ACOXL: variants seen among roughly 807,000 people sequenced by gnomAD.
The protein encoded by ACOXL is acyl-CoA oxidase like.
In ACOXL, 70 loss-of-function variants were observed where a neutral mutation model predicts 71.9. The ratio of observed to expected loss-of-function variants is 0.97; its 90% CI spans 0.80 to 1.19. ACOXL has a LOEUF of 1.19. Among genes scored for constraint, ACOXL ranks in the 50% most tolerant of loss-of-function variants. The probability of loss-of-function intolerance (pLI) is 0.00; values close to 1 mark genes in which losing one functional copy is unlikely to be tolerated. For synonymous variants in ACOXL, 253 were observed against 281.6 expected (o/e 0.90, Z 1.02); for missense variants, 703 against 736.3 (o/e 0.95, Z 0.52).
At chr2:110,798,083 C>T (rs898989677) in intron 5 of ACOXL, among the ~76,000 whole-genome samples, 2 of 152,082 alleles carry the variant, frequency 1.3e-5, no homozygotes, top group African/African-American at 4.8e-5. Context: ...ACTTTAATCT[C>T]AGCCATTTTC....
At chr2:110,958,155 ACACT>A (rs892785742) in intron 12 of ACOXL, among the ~76,000 whole-genome samples, 4 of 152,136 alleles carry the variant, frequency 2.6e-5, no homozygotes, top group African/African-American at 2.4e-5. Context: ...ATGCACACAC[ACACT>A]CTCATGCATA....
chr2:110,968,175 C>T, intron 12 of ACOXL: 4 of 1,165,238 alleles, frequency 3.4e-6, no homozygotes, highest in Non-Finnish European at 3.8e-6. Context: ...ATAGGTTTGG[C>T]ACAGACAACA....
intron 17 of ACOXL, among the ~76,000 whole-genome samples, chr2:111,111,084 G>A (rs1279547936): frequency 6.6e-6 from 1 of 151,962 alleles, no homozygotes; most frequent in Admixed American, 6.6e-5. Context: ...AGTTGATTAA[G>A]TTTTTTTAAT....
At position 110,732,688 on chromosome 2, in the gene ACOXL, C is replaced by T. The variant is rs1376767726; in HGVS notation, c.-109C>T. The T allele has an allele frequency of 1.3e-5, 2 of 152,548 alleles. No individual in the cohort carries two copies. Among genetic ancestry groups the T allele is most frequent in the Admixed American group, 6.5e-5 (1 of 15,276 alleles). The allele number at this position is 152,548 out of a possible 1,614,324, so 9.4% of individuals were successfully genotyped here. On this transcript the variant is annotated 5_prime_UTR_variant, in exon 1 of 18. Coordinates refer to ENST00000439055, the MANE Select transcript of ACOXL (RefSeq NM_001142807.4). ...CCGGGTCTGGGGCTCGGGGACTCCT[C>T]CCTGCACCGCTACCTGGACGGCGAC...
chr2:110,806,607 A>G lies in ACOXL; in HGVS notation c.753+1212A>G, dbSNP rs561310213. On this transcript the variant is annotated intron_variant, in intron 9 of 17. Coordinates refer to ENST00000439055, the MANE Select transcript of ACOXL (RefSeq NM_001142807.4). ...GATTGCATGAAAGGGAAGATTGGTTAAACATCGGATGCAGGGTTAGCTGAA... is the reference window on the plus strand; with the variant it reads ...GATTGCATGAAAGGGAAGATTGGTTGAACATCGGATGCAGGGTTAGCTGAA... Among the ~76,000 whole-genome samples, 11 of 152,368 alleles carry G rather than the reference A, an allele frequency of 7.2e-5. 1 individual carries two copies. In the South Asian group the frequency reaches 2.1e-3, roughly 29 times the overall value.
At chr2:110,934,837 GGTT>G (rs2060602828) in intron 12 of ACOXL, among the ~76,000 whole-genome samples, 1 of 152,198 alleles carries the variant, frequency 6.6e-6, no homozygotes, top group Non-Finnish European at 1.5e-5. Flanking sequence ...ATTCCTATGG[GGTT>G]GTTGTGTGGG....
At chr2:110,756,362 C>T (rs917877920) in intron 1 of ACOXL, among the ~76,000 whole-genome samples, 1 of 152,186 alleles carries the variant, frequency 6.6e-6, no homozygotes, top group African/African-American at 2.4e-5. Flanking sequence ...CTCCTGACCT[C>T]AGTTGATCCG....
intron 9 of ACOXL, among the ~76,000 whole-genome samples, chr2:110,830,363 TCCTC>T (rs963804282): frequency 4.1e-4 from 62 of 152,230 alleles, no homozygotes; most frequent in African/African-American, 1.5e-3. Flanking sequence ...TGCAGTTCCT[TCCTC>T]CCTCCCTCCC....
intron 16 of ACOXL, among the ~76,000 whole-genome samples, chr2:111,083,116 G>A (rs755765377): frequency 6.6e-6 from 1 of 152,044 alleles, no homozygotes; most frequent in Non-Finnish European, 1.5e-5. Context: ...AAACCACCAT[G>A]GCACGTGTAT....
intron 9 of ACOXL, among the ~76,000 whole-genome samples, chr2:110,819,127 G>A (rs942982699): frequency 2.0e-5 from 3 of 152,200 alleles, no homozygotes; most frequent in Non-Finnish European, 2.9e-5. Flanking sequence ...ATGTGTGGAT[G>A]TTTAGCTGGG....
intron 15 of ACOXL, among the ~76,000 whole-genome samples, chr2:111,037,716 G>A (rs2065584638): frequency 6.6e-6 from 1 of 152,166 alleles, no homozygotes; most frequent in African/African-American, 2.4e-5. Flanking sequence ...ACAACTGCTT[G>A]GGGTCACACG....
intron 10 of ACOXL, among the ~76,000 whole-genome samples, chr2:110,845,914 A>T (rs1691782119): frequency 6.6e-6 from 1 of 152,152 alleles, no homozygotes; most frequent in Non-Finnish European, 1.5e-5. Flanking sequence ...TATCTCTTTG[A>T]CACCCTGCTT....
chr2:111,093,358 A>G (rs1372221919), intron 17 of ACOXL: 1 of 1,179,918 alleles, frequency 8.5e-7, no homozygotes, highest in Non-Finnish European at 1.2e-6. Context: ...AATTCAATAC[A>G]ATAGCTACGG....
At chr2:110,811,652 A>T (rs551783233) in intron 9 of ACOXL, among the ~76,000 whole-genome samples, 1 of 149,250 alleles carries the variant, frequency 6.7e-6, no homozygotes, top group East Asian at 2.0e-4. Flanking sequence ...GGCACGTTGT[A>T]TGTGCTTGGA....
At chr2:110,889,218 T>A (rs569655389) in intron 10 of ACOXL, among the ~76,000 whole-genome samples, 1 of 152,354 alleles carries the variant, frequency 6.6e-6, no homozygotes, top group South Asian at 2.1e-4. Context: ...CATGGATGTC[T>A]AAACACCTAT....
intron 2 of ACOXL, among the ~76,000 whole-genome samples, chr2:110,771,686 A>C (rs1457319236): frequency 1.3e-5 from 2 of 152,270 alleles, no homozygotes; most frequent in East Asian, 3.8e-4. Context: ...ACACACACAC[A>C]GACACACACA....
At chr2:111,103,044 C>G (rs1464823454) in intron 17 of ACOXL, among the ~76,000 whole-genome samples, 3 of 152,008 alleles carry the variant, frequency 2.0e-5, no homozygotes, top group Non-Finnish European at 4.4e-5. Context: ...TAATCCCAGC[C>G]CTTTGGGAGG....
chr2:110,794,854 G>A (rs1685092931), intron 5 of ACOXL, among the ~76,000 whole-genome samples: 1 of 151,234 alleles, frequency 6.6e-6, no homozygotes, highest in Non-Finnish European at 1.5e-5. Context: ...TCTCTACATT[G>A]CTATCTCTGT....
rs1353251022 is a variant in ACOXL at position 111,049,282 on chromosome 2, A to G, written c.1434A>G (p.Leu478=). 6.2e-7 allele frequency: 1 copy of G among 1,608,012 alleles called. No individual in the cohort carries two copies. Among genetic ancestry groups the G allele is most frequent in the African/African-American group, 1.3e-5 (1 of 74,774 alleles). Residue 478 remains leucine (L), a synonymous_variant, in exon 16 of 18, where the codon TTA becomes TTG. Transcript: ENST00000439055. ...CTGACCAAGAGGACCAGACTTTGTTAATGAAGGTAGGTTATCAGATAAAGA... is the reference window on the plus strand; with the variant it reads ...CTGACCAAGAGGACCAGACTTTGTTGATGAAGGTAGGTTATCAGATAAAGA... ...SCPDQEDQTL[L]MKFCLLYGTK...
Sources: allele counts gnomAD v4.1 joint callset (sites outside exome capture counted in the v4.1 genomes callset), GRCh38; gene constraint gnomAD v4.1.1; transcripts MANE v1.5; gene names NCBI Gene and HGNC (gene_info 2026-07-23, HGNC 2026-07-21).